ARSJ: variants seen among roughly 807,000 people sequenced by gnomAD.
ARSJ encodes the protein arylsulfatase J.
In ARSJ, 26 loss-of-function variants were observed where a neutral mutation model predicts 35.9. The observed-to-expected ratio is 0.72, with a 90% CI of 0.53 to 1.00. The LOEUF (loss-of-function observed/expected upper bound fraction) is 1.00. Ranked by LOEUF, ARSJ falls within the 50% of genes least tolerant of loss-of-function variation. The probability of loss-of-function intolerance (pLI) is 0.00; values close to 1 mark genes in which losing one functional copy is unlikely to be tolerated. For missense variants in ARSJ, 667 were observed against 723.6 expected (o/e 0.92, Z 0.90); for synonymous variants, 294 against 267.6 (o/e 1.10, Z -0.96).
chr4:113,974,293 T>C (rs560348440), intron 1 of ARSJ, among the ~76,000 whole-genome samples: 2 of 151,708 alleles, frequency 1.3e-5, no homozygotes, highest in South Asian at 4.2e-4. Flanking sequence ...AACCTCCCGT[T>C]AATAAAAAAA....
chr4:113,920,300 G>A (rs1159819646), intron 1 of ARSJ, among the ~76,000 whole-genome samples: 2 of 152,154 alleles, frequency 1.3e-5, no homozygotes, highest in Non-Finnish European at 2.9e-5. Flanking sequence ...AGGTACAGAT[G>A]AGCAGACTTA....
rs1423754988 is a variant in ARSJ at position 113,901,672 on chromosome 4, A to G, written c.*602T>C. 1 of 151,612 alleles carries G rather than the reference A, an allele frequency of 6.6e-6. No individual in the cohort carries two copies. The highest frequency in any genetic ancestry group is 1.5e-5 in the Non-Finnish European group (1 of 67,938). 9.4% of individuals were successfully genotyped at this position (151,612 alleles called of 1,614,324 possible). On this transcript the variant is annotated 3_prime_UTR_variant, in exon 2 of 2. Transcript: ENST00000315366. ...GTAAAATGAGGTGCAAGCTGTTCAC[A>G]TGTGAGAAAAACAGCTTTTCACAGG...
intron 1 of ARSJ, among the ~76,000 whole-genome samples, chr4:113,963,728 G>A (rs1726711586): frequency 6.6e-6 from 1 of 152,018 alleles, no homozygotes; most frequent in Non-Finnish European, 1.5e-5. Flanking sequence ...AAATAAAAAC[G>A]ACACCACTTA....
At chr4:113,972,307 C>CAAAAAAAAAAAAAAAAAAAAAAAA (rs1233838009) in intron 1 of ARSJ, among the ~76,000 whole-genome samples, 1 of 96,108 alleles carries the variant, frequency 1.0e-5, no homozygotes, top group Non-Finnish European at 2.1e-5. Context: ...AAAAAAAAAA[C>CAAAAAAAAAAAAAAAAAAAAAAAA]AAAAAAAAAA....
Position 113,956,915 on chromosome 4 carries a change from G to A in ARSJ, c.398+21522C>T, listed in dbSNP as rs574885619. On this transcript the variant is annotated intron_variant, in intron 1 of 1. Transcript: ENST00000315366. ...CCAACAGCCTATGCTTTTCAGGCAG[G>A]CAATAGCACCATGGAATGTGCAGTT... Among the ~76,000 whole-genome samples the A allele has an allele frequency of 3.9e-5, 6 of 152,128 alleles. No homozygotes were observed. In the East Asian group the frequency reaches 9.7e-4, roughly 25 times the overall value.
chr4:113,918,038 A>T (rs1370385187), intron 1 of ARSJ, among the ~76,000 whole-genome samples: 2 of 152,206 alleles, frequency 1.3e-5, no homozygotes, highest in African/African-American at 4.8e-5. Flanking sequence ...ACATTTCCCA[A>T]CCTATTGGTT....
intron 1 of ARSJ, among the ~76,000 whole-genome samples, chr4:113,961,573 G>A (rs1268052440): frequency 6.6e-6 from 1 of 152,048 alleles, no homozygotes; most frequent in African/African-American, 2.4e-5. Context: ...AACTTATGCA[G>A]GTTGGCCCAT....
intron 1 of ARSJ, among the ~76,000 whole-genome samples, chr4:113,965,091 T>C (rs1468513812): frequency 6.6e-6 from 1 of 152,132 alleles, no homozygotes; most frequent in African/African-American, 2.4e-5. Flanking sequence ...TATGGAATAT[T>C]TAAGTTCTTC....
At position 113,919,852 on chromosome 4, in the gene ARSJ, C is replaced by A. The variant is rs193151421; in HGVS notation, c.399-16177G>T. Among the ~76,000 whole-genome samples, 319 of 152,204 alleles carry A rather than the reference C, an allele frequency of 2.1e-3. 1 individual carries two copies. Among genetic ancestry groups the A allele is most frequent in the African/African-American group, 7.1e-3 (297 of 41,550 alleles). On this transcript the variant is annotated intron_variant, in intron 1 of 1. Coordinates refer to ENST00000315366, the MANE Select transcript of ARSJ (RefSeq NM_024590.4). Reference sequence around the variant, plus strand: ...TGAAAGATGCGTAAATGCAGGAGGGCAGCCTGAAAAAGGCTAAGAAATGTT... The same window carrying A: ...TGAAAGATGCGTAAATGCAGGAGGGAAGCCTGAAAAAGGCTAAGAAATGTT...
At position 113,956,859 on chromosome 4, in the gene ARSJ, G is replaced by A. The variant is rs115658627; in HGVS notation, c.398+21578C>T. Among the ~76,000 whole-genome samples the A allele has an allele frequency of 1.0e-3, 152 of 152,100 alleles. 1 individual carries two copies. The highest frequency in any genetic ancestry group is 3.4e-3 in the African/African-American group (142 of 41,522). ...TGAGAGGGGTCTTTGATGACACGAC[G>A]AGATGTAGTGACTTTGCAGGCTCCA... On this transcript the variant is annotated intron_variant, in intron 1 of 1. Coordinates refer to ENST00000315366, the MANE Select transcript of ARSJ (RefSeq NM_024590.4).
At position 113,900,351 on chromosome 4, in the gene ARSJ, A is replaced by G. The variant is rs1204248231; in HGVS notation, c.*1923T>C. The G allele has an allele frequency of 6.6e-6, 1 of 152,232 alleles. No individual in the cohort carries two copies. The highest frequency in any genetic ancestry group is 2.4e-5 in the African/African-American group (1 of 41,470). The allele number at this position is 152,232 out of a possible 1,614,324, so 9.4% of individuals were successfully genotyped here. A position where few individuals can be genotyped will look rare whatever the true frequency, so the allele number is the denominator to read the frequency against. ...ATACTGTCGACAAAACACAAACTTT[A>G]GGAAATACAACTTTACACTATAAAA... On this transcript the variant is annotated 3_prime_UTR_variant, in exon 2 of 2. Coordinates refer to ENST00000315366, the MANE Select transcript of ARSJ (RefSeq NM_024590.4).
chr4:113,967,142 A>G (rs1726945358), intron 1 of ARSJ, among the ~76,000 whole-genome samples: 1 of 152,186 alleles, frequency 6.6e-6, no homozygotes, highest in African/African-American at 2.4e-5. Context: ...GATTTTGAGA[A>G]AGATAATTTT....
intron 1 of ARSJ, among the ~76,000 whole-genome samples, chr4:113,956,793 G>T (rs1421500347): frequency 3.9e-5 from 6 of 151,994 alleles, no homozygotes; most frequent in Non-Finnish European, 8.8e-5. Flanking sequence ...GTACTTGAAC[G>T]AGTGGTGAGA....
rs556568727 is a variant in ARSJ, at chr4:113,949,418, G to T, written c.398+29019C>A. Among the ~76,000 whole-genome samples, 6 of 152,106 alleles carry T rather than the reference G, an allele frequency of 3.9e-5. No individual in the cohort carries two copies. In the East Asian group the frequency reaches 1.2e-3, roughly 30 times the overall value. On this transcript the variant is annotated intron_variant, in intron 1 of 1. Coordinates refer to ENST00000315366, the MANE Select transcript of ARSJ (RefSeq NM_024590.4). ...TTTTTCTGGCTAGAATTGAAGATCT[G>T]GTGAGTACCAGAGACTATCTCTTTC... is the stretch of plus-strand genomic sequence containing the variant.
At chr4:113,932,380 T>C (rs1047896539) in intron 1 of ARSJ, among the ~76,000 whole-genome samples, 3 of 152,024 alleles carry the variant, frequency 2.0e-5, no homozygotes, top group Non-Finnish European at 4.4e-5. Context: ...AACTGACATA[T>C]ACAGAATGTT....
chr4:113,962,940 C>T (rs1726648998), intron 1 of ARSJ, among the ~76,000 whole-genome samples: 1 of 152,006 alleles, frequency 6.6e-6, no homozygotes, highest in South Asian at 2.1e-4. Flanking sequence ...GTGGGGCTGT[C>T]CTGTAATGGT....
chr4:113,909,530 C>T (rs2099669795), intron 1 of ARSJ, among the ~76,000 whole-genome samples: 1 of 152,100 alleles, frequency 6.6e-6, no homozygotes, highest in Non-Finnish European at 1.5e-5. Context: ...CAGTTTTCCT[C>T]ATGCTATTCT....
intron 1 of ARSJ, among the ~76,000 whole-genome samples, chr4:113,948,482 T>C (rs932596417): frequency 3.9e-5 from 6 of 152,134 alleles, no homozygotes; most frequent in South Asian, 2.1e-4. Context: ...AAGTGTCATA[T>C]TTTACAGTAT....
At chr4:113,915,676 A>C (rs2149255153) in intron 1 of ARSJ, among the ~76,000 whole-genome samples, 1 of 152,322 alleles carries the variant, frequency 6.6e-6, no homozygotes, top group South Asian at 2.1e-4. Context: ...AATAAATAAA[A>C]TGTGTTGCCT....
Sources: allele counts gnomAD v4.1 joint callset (sites outside exome capture counted in the v4.1 genomes callset), GRCh38; gene constraint gnomAD v4.1.1; transcripts MANE v1.5; gene names NCBI Gene and HGNC (gene_info 2026-07-23, HGNC 2026-07-21).